The following PPP2R3C variants were observed in gnomAD, a reference collection of about 807,000 sequenced individuals.
The protein encoded by PPP2R3C is protein phosphatase 2 regulatory subunit B''gamma, also known as serine/threonine-protein phosphatase 2A regulatory subunit B'' subunit gamma.
PPP2R3C carries 47 observed loss-of-function variants against 63.7 expected under a neutral mutation model. The observed-to-expected ratio is 0.74, with a 90% CI of 0.58 to 0.94. The LOEUF is 0.94. Among genes scored for constraint, PPP2R3C ranks in the 40% least tolerant of loss-of-function variants. The probability of loss-of-function intolerance (pLI) is 0.00; values close to 1 mark genes in which losing one functional copy is unlikely to be tolerated. For synonymous variants in PPP2R3C, 180 were observed against 177.4 expected (o/e 1.01, Z -0.12); for missense variants, 421 against 518.4 (o/e 0.81, Z 1.82).
intron 6 of PPP2R3C, among the ~76,000 whole-genome samples, chr14:35,105,160 G>A: frequency 6.6e-6 from 1 of 151,252 alleles, no homozygotes; most frequent in East Asian, 1.9e-4. Context: ...ATGTTAAAAT[G>A]CTACATTCTT....
intron 3 of PPP2R3C, 93 bp downstream of exon 3, chr14:35,110,432 G>A (rs757435569): frequency 1.3e-5 from 10 of 792,382 alleles, no homozygotes; most frequent in East Asian, 2.5e-5. Context: ...TCTGTAGTAC[G>A]GACTCCATTA....
At chr14:35,108,953 T>G (rs1031209194) in intron 4 of PPP2R3C, among the ~76,000 whole-genome samples, 1 of 152,040 alleles carries the variant, frequency 6.6e-6, no homozygotes, top group African/African-American at 2.4e-5. Context: ...AATTAAAAGT[T>G]TTTTTTATTT....
intron 1 of PPP2R3C, chr14:35,117,094 G>A (rs1256265421): frequency 2.2e-6 from 1 of 455,958 alleles, no homozygotes; most frequent in Admixed American, 2.3e-5. Context: ...GAACGCTGTA[G>A]TAGACACGGA....
Position 35,116,663 on chromosome 14 carries a change from C to T in PPP2R3C, c.133G>A (p.Gly45Ser). 1 of 1,600,952 alleles carries T rather than the reference C, an allele frequency of 6.2e-7. No individual in the cohort carries two copies. The highest frequency in any genetic ancestry group is 8.5e-7 in the Non-Finnish European group (1 of 1,170,842). Residue 45 changes from glycine (G) to serine (S), a missense_variant, in exon 2 of 13, where the codon GGT becomes AGT. By Grantham distance (56) the Gly-to-Ser change is moderately conservative (BLOSUM62 0). Transcript: ENST00000261475. ...FTKYYSEWKG[G>S]RKNTNEFYKT... ...TAGAATTCATTTGTGTTTTTTCTAC[C>T]TCCTTTCCATTCGGAGTAATATTTT...
At chr14:35,116,131 T>C (rs10140974) in intron 2 of PPP2R3C, among the ~76,000 whole-genome samples, 8,581 of 152,154 alleles carry the variant, frequency 0.056, 335 homozygotes, top group African/African-American at 0.11. Flanking sequence ...TGGGATTTTA[T>C]TGGGCTCAAA....
chr14:35,106,855 T>C (rs960091428), intron 6 of PPP2R3C, among the ~76,000 whole-genome samples: 7 of 151,120 alleles, frequency 4.6e-5, no homozygotes, highest in African/African-American at 1.7e-4. Flanking sequence ...TTAGTAGAGA[T>C]AGGGTTTCTC....
intron 9 of PPP2R3C, 70 bp from the exon 10 acceptor site, chr14:35,095,254 A>C: frequency 6.7e-7 from 1 of 1,501,598 alleles, no homozygotes; most frequent in Non-Finnish European, 9.1e-7. Flanking sequence ...AGACTAACAA[A>C]AAGTTTTTTC....
intron 2 of PPP2R3C, among the ~76,000 whole-genome samples, chr14:35,116,016 C>T (rs907901687): frequency 7.9e-5 from 12 of 152,042 alleles, no homozygotes; most frequent in African/African-American, 1.2e-4. Flanking sequence ...TACCTGATAA[C>T]ATAATCCAAT....
intron 6 of PPP2R3C, among the ~76,000 whole-genome samples, chr14:35,106,919 A>T (rs892886384): frequency 3.3e-5 from 5 of 151,978 alleles, no homozygotes; most frequent in African/African-American, 1.2e-4. Context: ...CGCCTGCCTC[A>T]TCCTTCCAAA....
intron 2 of PPP2R3C, among the ~76,000 whole-genome samples, chr14:35,115,582 A>G (rs572322642): frequency 5.3e-5 from 8 of 151,158 alleles, no homozygotes; most frequent in African/African-American, 1.7e-4. Flanking sequence ...AGCCATTTTC[A>G]GAGTTTTGGC....
chr14:35,101,605 C>CT (rs1393985441), intron 6 of PPP2R3C: 2 of 152,164 alleles, frequency 1.3e-5, no homozygotes, highest in African/African-American at 4.8e-5. Flanking sequence ...TACTCAAACA[C>CT]TAAAGGTGTC....
chr14:35,122,191 T>C, upstream of PPP2R3C: 1 of 550,628 alleles, frequency 1.8e-6, no homozygotes, highest in East Asian at 3.0e-5. Flanking sequence ...AGATGGAAAA[T>C]GGTTCTCCTT....
intron 1 of PPP2R3C, among the ~76,000 whole-genome samples, chr14:35,119,141 G>A (rs1439128145): frequency 2.0e-5 from 3 of 151,546 alleles, no homozygotes; most frequent in Admixed American, 6.6e-5. Flanking sequence ...GGGTTCAAGC[G>A]ATTCTCCCGC....
chr14:35,117,016 C>G, intron 1 of PPP2R3C: 1 of 447,484 alleles, frequency 2.2e-6, no homozygotes, highest in South Asian at 1.6e-5. Context: ...ACCTCTCCTA[C>G]AGAACTCTGT....
chr14:35,085,991 T>C lies in PPP2R3C; in HGVS notation c.1174-213A>G, dbSNP rs1384842544. 5.8e-6 allele frequency: 3 copies of C among 521,334 alleles called. No homozygotes were observed. In the East Asian group the frequency reaches 9.8e-5, roughly 17 times the overall value. The allele number at this position is 521,334 out of a possible 1,614,324, so 32.3% of individuals were successfully genotyped here. A position where few individuals can be genotyped will look rare whatever the true frequency, so the allele number is the denominator to read the frequency against. Reference sequence around the variant, plus strand: ...CTCTACCTACAACCACAAAATTTTATTGGATAACTCCTTAGCTATGTGATA... The same window carrying C: ...CTCTACCTACAACCACAAAATTTTACTGGATAACTCCTTAGCTATGTGATA... On this transcript the variant is annotated intron_variant, in intron 12 of 12. Transcript: ENST00000261475.
chr14:35,103,007 G>A (rs1595102043), intron 6 of PPP2R3C, among the ~76,000 whole-genome samples: 1 of 152,236 alleles, frequency 6.6e-6, no homozygotes, highest in African/African-American at 2.4e-5. Flanking sequence ...CGATCCACCT[G>A]CCTCGGCCTC....
At chr14:35,101,285 C>T (rs1422121973) in intron 6 of PPP2R3C, 4 of 152,142 alleles carry the variant, frequency 2.6e-5, no homozygotes, top group Admixed American at 2.0e-4. Flanking sequence ...AAATATACTC[C>T]TTTTAATGAC....
chr14:35,092,547 A>T (rs1414021959), intron 10 of PPP2R3C, among the ~76,000 whole-genome samples: 1 of 151,808 alleles, frequency 6.6e-6, no homozygotes, highest in Non-Finnish European at 1.5e-5. Context: ...GCTCACCACA[A>T]CCTCTGCCTC....
chr14:35,110,483 G>C, intron 3 of PPP2R3C, 42 bp downstream of exon 3: 1 of 1,327,298 alleles, frequency 7.5e-7, no homozygotes, highest in Non-Finnish European at 1.1e-6. Context: ...GCACAAATGA[G>C]AAATGGTTAA....
Sources: gnomAD v4.1 joint callset for allele counts (sites outside exome capture counted in the v4.1 genomes callset) on GRCh38, gnomAD v4.1.1 for gene constraint, MANE v1.5 for transcripts, NCBI Gene and HGNC (gene_info 2026-07-23, HGNC 2026-07-21) for gene names.